Variants in CPA6 observed in about 807,000 individuals in gnomAD.
The protein encoded by CPA6 is carboxypeptidase B.
Under a neutral mutation model 63.3 loss-of-function variants are expected in CPA6, and 58 were observed. The ratio of observed to expected loss-of-function variants is 0.92; its 90% CI spans 0.74 to 1.14. The LOEUF (loss-of-function observed/expected upper bound fraction) is 1.14, where lower values mean the gene tolerates loss of function less well. Among genes scored for constraint, CPA6 ranks in the 50% most tolerant of loss-of-function variants. The pLI is 0.00. For synonymous variants in CPA6, 185 were observed against 179.0 expected (o/e 1.03, Z -0.27); for missense variants, 565 against 526.6 (o/e 1.07, Z -0.71).
At chr8:67,619,287 T>C (rs1815026124) in intron 2 of CPA6, among the ~76,000 whole-genome samples, 1 of 152,218 alleles carries the variant, frequency 6.6e-6, no homozygotes, top group African/African-American at 2.4e-5. Flanking sequence ...TAGTTCACTG[T>C]GTGTGTGGGT....
intron 8 of CPA6, among the ~76,000 whole-genome samples, chr8:67,481,588 A>G (rs545127049): frequency 6.6e-5 from 10 of 152,340 alleles, no homozygotes; most frequent in African/African-American, 2.2e-4. Flanking sequence ...AATTTCAAGA[A>G]TCACTGACTT....
chr8:67,541,958 G>C (rs1812717892), intron 2 of CPA6, among the ~76,000 whole-genome samples: 1 of 152,246 alleles, frequency 6.6e-6, no homozygotes, highest in African/African-American at 2.4e-5. Flanking sequence ...TCTTGCCCGG[G>C]TTGATCTGAA....
chr8:67,710,799 A>G (rs1022170304), intron 1 of CPA6, among the ~76,000 whole-genome samples: 5 of 151,992 alleles, frequency 3.3e-5, no homozygotes, highest in Non-Finnish European at 7.4e-5. Context: ...CCTTGTGTAC[A>G]CCTTTAGGGG....
At chr8:67,719,079 A>G (rs1490534451) in intron 1 of CPA6, among the ~76,000 whole-genome samples, 2 of 152,140 alleles carry the variant, frequency 1.3e-5, no homozygotes, top group Admixed American at 6.6e-5. Context: ...GATCAAGACA[A>G]CAAGCTAGGC....
intron 1 of CPA6, among the ~76,000 whole-genome samples, chr8:67,627,822 A>G (rs1815227322): frequency 6.6e-6 from 1 of 152,212 alleles, no homozygotes; most frequent in Non-Finnish European, 1.5e-5. Context: ...AGTTTGACTA[A>G]TAATCCTGCT....
At chr8:67,726,425 G>T (rs890414789) in intron 1 of CPA6, among the ~76,000 whole-genome samples, 3 of 152,160 alleles carry the variant, frequency 2.0e-5, no homozygotes, top group African/African-American at 7.2e-5. Flanking sequence ...CCTGGACGAG[G>T]TTCTAACGAT....
intron 2 of CPA6, among the ~76,000 whole-genome samples, chr8:67,559,876 C>CAG (rs1413203540): frequency 1.6e-5 from 2 of 128,926 alleles, no homozygotes; most frequent in African/African-American, 5.2e-5. Flanking sequence ...TGTATACACA[C>CAG]ACACACACAC....
chr8:67,644,055 G>C (rs75479426), intron 1 of CPA6, among the ~76,000 whole-genome samples: 1 of 152,102 alleles, frequency 6.6e-6, no homozygotes, highest in East Asian at 1.9e-4. Flanking sequence ...TGCAGATTGA[G>C]GGGGGTTGGC....
chr8:67,496,618 T>C (rs1468236164), intron 6 of CPA6, among the ~76,000 whole-genome samples: 2 of 149,086 alleles, frequency 1.3e-5, no homozygotes, highest in Admixed American at 6.7e-5. Context: ...TAGAGTGCAG[T>C]GGCACAATCT....
chr8:67,531,642 C>G lies in CPA6; in HGVS notation c.193-13595G>C, dbSNP rs114283010. Among the ~76,000 whole-genome samples the G allele has an allele frequency of 9.5e-3, 1,438 of 152,142 alleles. 23 individuals carry two copies. Among genetic ancestry groups the G allele is most frequent in the African/African-American group, 0.033 (1,355 of 41,500 alleles). On this transcript the variant is annotated intron_variant, in intron 2 of 10. Transcript: ENST00000297770. ...CCAGGAAGATGTAAATACTAATAAT[C>G]TGAATGCATCCAACATTGATACAAC...
chr8:67,686,025 G>T (rs1178921148), intron 1 of CPA6, among the ~76,000 whole-genome samples: 1 of 152,152 alleles, frequency 6.6e-6, no homozygotes, highest in African/African-American at 2.4e-5. Context: ...TTGATAATTT[G>T]CTTCTTTTCT....
intron 1 of CPA6, among the ~76,000 whole-genome samples, chr8:67,646,147 A>G (rs958890828): frequency 2.0e-5 from 3 of 152,224 alleles, no homozygotes; most frequent in Admixed American, 6.5e-5. Context: ...GACAGGTGAC[A>G]AACACCATGA....
chr8:67,597,827 T>C (rs2128982689), intron 2 of CPA6, among the ~76,000 whole-genome samples: 1 of 152,374 alleles, frequency 6.6e-6, no homozygotes, highest in South Asian at 2.1e-4. Context: ...TGGATTGTTG[T>C]TCTTTTGTTC....
intron 2 of CPA6, among the ~76,000 whole-genome samples, chr8:67,577,532 G>A (rs1039912204): frequency 1.6e-4 from 25 of 152,176 alleles, no homozygotes; most frequent in Admixed American, 3.9e-4. Context: ...TCTTCGAAGC[G>A]TAAGAAAGAT....
At chr8:67,460,761 T>C (rs182743951) in intron 8 of CPA6, among the ~76,000 whole-genome samples, 9 of 152,342 alleles carry the variant, frequency 5.9e-5, no homozygotes, top group Admixed American at 1.3e-4. Flanking sequence ...GATATACTTG[T>C]TCTATTTATC....
intron 2 of CPA6, among the ~76,000 whole-genome samples, chr8:67,562,807 T>G (rs1813246493): frequency 2.0e-5 from 3 of 152,224 alleles, no homozygotes; most frequent in Non-Finnish European, 4.4e-5. Context: ...ACCTTGATCT[T>G]GGATTACCCT....
chr8:67,608,926 C>G (rs917646896), intron 2 of CPA6, among the ~76,000 whole-genome samples: 1 of 152,186 alleles, frequency 6.6e-6, no homozygotes, highest in African/African-American at 2.4e-5. Context: ...AAATACAGCA[C>G]CCATGTGGAG....
chr8:67,581,543 T>C (rs1028653224), intron 2 of CPA6, among the ~76,000 whole-genome samples: 1 of 152,188 alleles, frequency 6.6e-6, no homozygotes, highest in Non-Finnish European at 1.5e-5. Flanking sequence ...CATTTCTGGT[T>C]TACAAGACCA....
intron 2 of CPA6, among the ~76,000 whole-genome samples, chr8:67,585,405 A>T (rs894803696): frequency 5.3e-5 from 8 of 152,122 alleles, no homozygotes; most frequent in African/African-American, 1.9e-4. Context: ...TGTTACTTTT[A>T]TTTGGAGTTG....
Sources: allele counts gnomAD v4.1 joint callset (sites outside exome capture counted in the v4.1 genomes callset), GRCh38; gene constraint gnomAD v4.1.1; transcripts MANE v1.5; gene names NCBI Gene and HGNC (gene_info 2026-07-23, HGNC 2026-07-21).